TOP1MT: variants seen among roughly 807,000 people sequenced by gnomAD.
The protein encoded by TOP1MT is DNA topoisomerase I mitochondrial.
A neutral mutation model predicts 73.9 loss-of-function variants in TOP1MT; 80 were observed. The ratio of observed to expected loss-of-function variants is 1.08; its 90% confidence interval spans 0.90 to 1.30. The LOEUF (loss-of-function observed/expected upper bound fraction) is 1.30. Among genes scored for constraint, TOP1MT ranks in the 50% most tolerant of loss-of-function variants. The pLI is 0.00. For missense variants in TOP1MT, 815 were observed against 808.0 expected (o/e 1.01, Z -0.10); for synonymous variants, 338 against 326.4 (o/e 1.04, Z -0.38).
rs1816155276 is a variant in TOP1MT, at chr8:143,316,129, G to A, written c.1331-3C>T. On this transcript the variant is annotated splice_polypyrimidine_tract_variant and splice_region_variant and intron_variant, in intron 10 of 13. Transcript: ENST00000329245. ...CTTAGCTGCTATGCTGTCCTCGGCT[G>A]AGAGGCACGGGCTGTCAGAGGCAGC... The A allele has an allele frequency of 1.9e-6, 3 of 1,614,084 alleles. No individual in the cohort carries two copies. The highest frequency in any genetic ancestry group is 2.7e-5 in the African/African-American group (2 of 75,054).
At chr8:143,332,912 G>A (rs1325354105) in intron 1 of TOP1MT, among the ~76,000 whole-genome samples, 1 of 152,174 alleles carries the variant, frequency 6.6e-6, no homozygotes, top group South Asian at 2.1e-4. Flanking sequence ...GGGAGAGGGG[G>A]GTTCTGCTGA....
intron 1 of TOP1MT, chr8:143,350,127 A>G (rs1817296373): frequency 6.6e-6 from 1 of 152,308 alleles, no homozygotes; most frequent in East Asian, 1.9e-4. Context: ...AACATCTCCA[A>G]TTATGTCCAA....
intron 8 of TOP1MT, among the ~76,000 whole-genome samples, chr8:143,319,372 G>A (rs2129989852): frequency 6.6e-6 from 1 of 151,892 alleles, no homozygotes; most frequent in South Asian, 2.1e-4. Context: ...ATAGCTCACT[G>A]CCGCCTCCAA....
chr8:143,322,811 CCACA>C (rs1279103245), intron 7 of TOP1MT, among the ~76,000 whole-genome samples: 1 of 64,272 alleles, frequency 1.6e-5, no homozygotes, highest in Non-Finnish European at 3.1e-5. Context: ...CACATGCATG[CCACA>C]CACAGGCACG....
chr8:143,330,554 G>A lies in TOP1MT; in HGVS notation c.238+670C>T, dbSNP rs377002621. Among the ~76,000 whole-genome samples, 474 of 152,346 alleles carry A rather than the reference G, an allele frequency of 3.1e-3. 1 individual carries two copies. The highest frequency in any genetic ancestry group is 0.031 in the Middle Eastern group (9 of 292). On this transcript the variant is annotated intron_variant, in intron 2 of 13. Coordinates refer to ENST00000329245, the MANE Select transcript of TOP1MT (RefSeq NM_052963.3). ...GCATGTGACTCGGCAGGGGGCCCAC[G>A]GGAGGGCTGGTGGGAGGGGCACAGC...
intron 2 of TOP1MT, among the ~76,000 whole-genome samples, chr8:143,329,771 T>C (rs1462867697): frequency 6.6e-6 from 1 of 152,154 alleles, no homozygotes; most frequent in Non-Finnish European, 1.5e-5. Context: ...TACATGAAAA[T>C]GGAACATGTA....
intron 7 of TOP1MT, among the ~76,000 whole-genome samples, chr8:143,321,970 T>A (rs1360639582): frequency 1.9e-3 from 24 of 12,972 alleles, no homozygotes; most frequent in African/African-American, 3.5e-3. Context: ...ACACACATGC[T>A]CACCACACGC....
At position 143,309,475 on chromosome 8, in the gene TOP1MT, G is replaced by A. The variant is rs1330517524; in HGVS notation, c.1772C>T (p.Ala591Val). The A allele has an allele frequency of 6.2e-7, 1 of 1,613,964 alleles. No homozygotes were observed. Among genetic ancestry groups the A allele is most frequent in the Non-Finnish European group, 8.5e-7 (1 of 1,180,036 alleles). Reference protein sequence around the residue: ...SKTQRERFAWALAMAGEDFEF With the variant: ...SKTQRERFAWVLAMAGEDFEF ...AAAGTCTTCTCCTGCCATGGCGAGAGCCCAGGCGAACCTCTCCCGCTGTGT... is the reference window on the plus strand; with the variant it reads ...AAAGTCTTCTCCTGCCATGGCGAGAACCCAGGCGAACCTCTCCCGCTGTGT... The change falls in exon 14 of 14, where the codon GCT becomes GTT. Residue 591 changes from alanine (A) to valine (V), a missense_variant. Transcript: ENST00000329245.
chr8:143,323,080 C>T (rs1816560436), intron 7 of TOP1MT, among the ~76,000 whole-genome samples: 1 of 136,818 alleles, frequency 7.3e-6, no homozygotes, highest in Admixed American at 7.4e-5. Flanking sequence ...CACACGCACG[C>T]CACACACAGG....
At chr8:143,322,377 CCACA>C (rs1304100925) in intron 7 of TOP1MT, among the ~76,000 whole-genome samples, 2 of 92,586 alleles carry the variant, frequency 2.2e-5, no homozygotes, top group African/African-American at 7.1e-5. Flanking sequence ...CACAGGCACG[CCACA>C]CACGCACGCC....
intron 7 of TOP1MT, among the ~76,000 whole-genome samples, chr8:143,322,706 ACACGCACGCC>A (rs1816512872): frequency 2.0e-5 from 1 of 49,682 alleles, no homozygotes; most frequent in Non-Finnish European, 3.2e-5. Flanking sequence ...CACGCACGCC[ACACGCACGCC>A]ACACACAGGC....
At position 143,324,103 on chromosome 8, in the gene TOP1MT, G is replaced by C. The variant is rs1816637038; in HGVS notation, c.856C>G (p.Leu286Val). ...AWQKFETARR[L>V]RGFVDEIRSQ... ...CGGATCTCGTCCACAAATCCCCGCAGGCGTCGAGCTGTTTCAAACTTCTGC... is the reference window on the plus strand; with the variant it reads ...CGGATCTCGTCCACAAATCCCCGCACGCGTCGAGCTGTTTCAAACTTCTGC... The change falls in exon 7 of 14, where the codon CTG becomes GTG. Residue 286 changes from leucine to valine, a missense_variant. This residue lies in a region of TOP1MT where 751 missense variants were observed against 725.4 expected (regional missense o/e 1.04). Transcript: ENST00000329245. 1 of 1,613,844 alleles carries C rather than the reference G, an allele frequency of 6.2e-7. No homozygotes were observed. Among genetic ancestry groups the C allele is most frequent in the Non-Finnish European group, 8.5e-7 (1 of 1,180,032 alleles).
chr8:143,324,315 C>T (rs1816644102), intron 6 of TOP1MT, among the ~76,000 whole-genome samples, 170 bp downstream of exon 6: 2 of 152,246 alleles, frequency 1.3e-5, no homozygotes, highest in African/African-American at 4.8e-5. Flanking sequence ...CCCATGCCCA[C>T]TCCTGGCTTT....
upstream of TOP1MT, among the ~76,000 whole-genome samples, chr8:143,335,181 G>GT (rs1816961922): frequency 6.6e-6 from 1 of 152,268 alleles, no homozygotes; most frequent in African/African-American, 2.4e-5. Context: ...GACCAGGCCA[G>GT]TGAACTCCTG....
rs117740787 is a variant in TOP1MT at position 143,328,950 on chromosome 8, A to C, written c.360+400T>G. Among the ~76,000 whole-genome samples the C allele has an allele frequency of 6.5e-3, 989 of 152,286 alleles. 2 individuals are homozygous for C. Among genetic ancestry groups the C allele is most frequent in the Non-Finnish European group, 9.9e-3 (676 of 68,018 alleles). ...TGAGGCAGCACCCTCCCCTCCAAAGAGCTTCTCGCCAAGCATGTCTTCCTG... is the reference window on the plus strand; with the variant it reads ...TGAGGCAGCACCCTCCCCTCCAAAGCGCTTCTCGCCAAGCATGTCTTCCTG... On this transcript the variant is annotated intron_variant, in intron 3 of 13. Coordinates refer to ENST00000329245, the MANE Select transcript of TOP1MT (RefSeq NM_052963.3).
At chr8:143,323,209 C>CACCACACAG (rs1816573795) in intron 7 of TOP1MT, among the ~76,000 whole-genome samples, 1 of 108,870 alleles carries the variant, frequency 9.2e-6, no homozygotes, top group Non-Finnish European at 1.9e-5. Flanking sequence ...CACACAGGCA[C>CACCACACAG]GCCACACAGG....
rs979883522 is a variant in TOP1MT at position 143,319,499 on chromosome 8, G to A, written c.1147-1413C>T. On this transcript the variant is annotated intron_variant, in intron 8 of 13. Transcript: ENST00000329245. Reference sequence around the variant, plus strand: ...CTTTTGAGGTGCAGGGAGTTCGTGCGTGGATCTGTCCAACGTCACTGCGAC... The same window carrying A: ...CTTTTGAGGTGCAGGGAGTTCGTGCATGGATCTGTCCAACGTCACTGCGAC... Among the ~76,000 whole-genome samples, 14 of 152,098 alleles carry A rather than the reference G, an allele frequency of 9.2e-5. No individual in the cohort carries two copies. The East Asian group carries it at 9.7e-4, about 11-fold the overall frequency.
intron 1 of TOP1MT, chr8:143,332,449 G>C: frequency 1.6e-6 from 2 of 1,272,252 alleles, no homozygotes; most frequent in Non-Finnish European, 2.1e-6. Context: ...GCCTCCCCCA[G>C]ACGCACAAGG....
rs1161303377 is a variant in TOP1MT, at chr8:143,325,264, C to T, written c.671+82G>A. Reference sequence around the variant, plus strand: ...ACCACATGTTTCTCGGTGTGCCTCCCTCTCCCAGGAGGTGAAGAAAAGCCA... The same window carrying T: ...ACCACATGTTTCTCGGTGTGCCTCCTTCTCCCAGGAGGTGAAGAAAAGCCA... On this transcript the variant is annotated intron_variant, in intron 5 of 13. Coordinates refer to ENST00000329245, the MANE Select transcript of TOP1MT (RefSeq NM_052963.3). 1.2e-5 allele frequency: 15 copies of T among 1,265,774 alleles called. No individual in the cohort carries two copies. The South Asian group carries it at 1.7e-4, about 14-fold the overall frequency. The allele number at this position is 1,265,774 out of a possible 1,614,324, so 78.4% of individuals were successfully genotyped here. A position where few individuals can be genotyped will look rare whatever the true frequency, so the allele number is the denominator to read the frequency against.
Sources: allele counts gnomAD v4.1 joint callset (sites outside exome capture counted in the v4.1 genomes callset), GRCh38; gene constraint gnomAD v4.1.1; regional missense constraint gnomAD v4.1.1; transcripts MANE v1.5; gene names NCBI Gene and HGNC (gene_info 2026-07-23, HGNC 2026-07-21).